TRIM29: variants seen among roughly 807,000 people sequenced by gnomAD.
The protein encoded by TRIM29 is tripartite motif containing 29.
Under a neutral mutation model 57.3 loss-of-function variants are expected in TRIM29, and 52 were observed. The ratio of observed to expected loss-of-function variants is 0.91; its 90% CI spans 0.73 to 1.14. The LOEUF is 1.14. Among genes scored for constraint, TRIM29 ranks in the 50% most tolerant of loss-of-function variants. The pLI, the probability that TRIM29 is intolerant of heterozygous loss-of-function variation, is 0.00. For missense variants in TRIM29, 753 were observed against 774.6 expected (o/e 0.97, Z 0.33); for synonymous variants, 319 against 316.9 (o/e 1.01, Z -0.07).
intron 8 of TRIM29, among the ~76,000 whole-genome samples, chr11:120,112,933 C>T (rs971666712): frequency 1.1e-4 from 16 of 152,118 alleles, no homozygotes; most frequent in Non-Finnish European, 2.2e-4. Flanking sequence ...GTTGAGCAAA[C>T]CAAGGCACAG....
Position 120,120,567 on chromosome 11 carries a change from AC to A in TRIM29, c.1528+5del. Reference sequence around the variant, plus strand: ...CTGTGCACCCTTGAGCTGAGCCACCACCTACCTTTGGTGCCATAGAGATTGT... The same window carrying A: ...CTGTGCACCCTTGAGCTGAGCCACCACTACCTTTGGTGCCATAGAGATTGT... On this transcript the variant is annotated splice_donor_5th_base_variant and intron_variant, in intron 6 of 8. Coordinates refer to ENST00000341846, the MANE Select transcript of TRIM29 (RefSeq NM_012101.4). 1 of 1,610,068 alleles carries A rather than the reference AC, an allele frequency of 6.2e-7. No homozygotes were observed. The highest frequency in any genetic ancestry group is 8.5e-7 in the Non-Finnish European group (1 of 1,179,060).
chr11:120,119,578 T>C (rs535179581), intron 6 of TRIM29, among the ~76,000 whole-genome samples: 35 of 152,320 alleles, frequency 2.3e-4, no homozygotes, highest in Middle Eastern at 3.4e-3. Flanking sequence ...GCTCTGGGCC[T>C]GTAGCAGCGA....
At position 120,127,638 on chromosome 11, in the gene TRIM29, G is replaced by T. The variant is rs1591327631; in HGVS notation, c.901-69C>A. The T allele has an allele frequency of 2.1e-6, 3 of 1,432,888 alleles. No homozygotes were observed. The South Asian group carries it at 4.0e-5, about 19-fold the overall frequency. The allele number at this position is 1,432,888 out of a possible 1,614,324, so 88.8% of individuals were successfully genotyped here. A position where few individuals can be genotyped will look rare whatever the true frequency, so the allele number is the denominator to read the frequency against. ...TAGGGAAAGAAATCACCCTAGTCGGGTATGTCTTTAGGTTTCCAGCACAGG... is the reference window on the plus strand; with the variant it reads ...TAGGGAAAGAAATCACCCTAGTCGGTTATGTCTTTAGGTTTCCAGCACAGG... On this transcript the variant is annotated intron_variant, in intron 2 of 8. Coordinates refer to ENST00000341846, the MANE Select transcript of TRIM29 (RefSeq NM_012101.4).
At chr11:120,130,173 T>G (rs1164451484) in intron 1 of TRIM29, among the ~76,000 whole-genome samples, 1 of 152,072 alleles carries the variant, frequency 6.6e-6, no homozygotes, top group African/African-American at 2.4e-5. Flanking sequence ...CTTAGGAGGC[T>G]GGATTTGGCA....
rs749203882 is a variant in TRIM29, at chr11:120,137,327, G to A, written c.705C>T (p.Phe235=). ...CPVHGKTMEL[F]CQTDQTCICY... ...AGATGCAGGTCTGGTCGGTCTGGCA[G>A]AAGAGCTCCATCGTCTTGCCATGCA... The change falls in exon 1 of 9, where the codon TTC becomes TTT. Residue 235 remains phenylalanine (F), a synonymous_variant. Coordinates refer to ENST00000341846, the MANE Select transcript of TRIM29 (RefSeq NM_012101.4). The surrounding 1 kb of genome is among the most constrained non-coding windows in gnomAD (Gnocchi z 6.2). The A allele has an allele frequency of 1.2e-6, 2 of 1,614,000 alleles. No individual in the cohort carries two copies. The highest frequency in any genetic ancestry group is 1.7e-6 in the Non-Finnish European group (2 of 1,180,028).
chr11:120,113,234 A>G lies in TRIM29; in HGVS notation c.1705-758T>C, dbSNP rs140172939. ...TCCCCCAGCCATTGGTACAGGGAGCATCTCTGGAGAGAGAGCCCAGTGACA... is the reference window on the plus strand; with the variant it reads ...TCCCCCAGCCATTGGTACAGGGAGCGTCTCTGGAGAGAGAGCCCAGTGACA... On this transcript the variant is annotated intron_variant, in intron 8 of 8. Coordinates refer to ENST00000341846, the MANE Select transcript of TRIM29 (RefSeq NM_012101.4). Among the ~76,000 whole-genome samples the G allele has an allele frequency of 1.9e-3, 289 of 152,238 alleles. 2 individuals carry two copies. Among genetic ancestry groups the G allele is most frequent in the African/African-American group, 6.7e-3 (278 of 41,514 alleles).
chr11:120,123,491 T>C (rs1489194470), intron 4 of TRIM29: 19 of 456,282 alleles, frequency 4.2e-5, no homozygotes, highest in Non-Finnish European at 7.0e-5. Context: ...GATTGAGCTC[T>C]GGCTCGCTAC....
At chr11:120,130,740 A>C (rs1174901889) in intron 1 of TRIM29, among the ~76,000 whole-genome samples, 1 of 152,176 alleles carries the variant, frequency 6.6e-6, no homozygotes, top group Non-Finnish European at 1.5e-5. Flanking sequence ...GGCAACTTCC[A>C]TGGACCAGGG....
chr11:120,112,555 C>T, intron 8 of TRIM29, 79 bp from the exon 9 acceptor site: 3 of 1,491,802 alleles, frequency 2.0e-6, no homozygotes, highest in Non-Finnish European at 1.9e-6. Context: ...CCCTAACCTG[C>T]CTCAGGAGGC....
At chr11:120,125,988 C>A (rs568801594) in intron 3 of TRIM29, 99 bp from the exon 4 acceptor site, 2 of 1,188,418 alleles carry the variant, frequency 1.7e-6, no homozygotes, top group Non-Finnish European at 2.4e-6. Context: ...GGGGTCTCAG[C>A]GCTGCAAGCC....
intron 1 of TRIM29, among the ~76,000 whole-genome samples, chr11:120,132,633 T>C (rs1268525712): frequency 6.6e-6 from 1 of 152,140 alleles, no homozygotes; most frequent in Non-Finnish European, 1.5e-5. Flanking sequence ...CCCGGATAGG[T>C]GTACCTGCAC....
chr11:120,124,701 T>C (rs1863542565), intron 4 of TRIM29: 1 of 152,134 alleles, frequency 6.6e-6, no homozygotes, highest in South Asian at 2.1e-4. Context: ...AGCCAAATGA[T>C]TGTCTTGCTG....
intron 5 of TRIM29, chr11:120,122,040 G>A (rs1565315385): frequency 2.3e-6 from 1 of 436,702 alleles, no homozygotes; most frequent in Non-Finnish European, 4.6e-6. Flanking sequence ...AGAAGCCCAG[G>A]GGTTGTTTTC....
intron 8 of TRIM29, 36 bp from the exon 9 acceptor site, chr11:120,112,512 C>T (rs763417554): frequency 1.4e-5 from 22 of 1,611,654 alleles, no homozygotes; most frequent in Admixed American, 1.7e-5. Flanking sequence ...CGAGGCCAGA[C>T]GACAGATGAG....
Position 120,128,380 on chromosome 11 carries a change from T to C in TRIM29, c.900+20A>G. ...CAGGTCGGGTAAGGGAGCAGCAAGG[T>C]GAGCTTGGGGGCTGCTCACCTTGAT... is the stretch of plus-strand genomic sequence containing the variant. On this transcript the variant is annotated intron_variant, in intron 2 of 8. Transcript: ENST00000341846. 2 of 1,606,948 alleles carry C rather than the reference T, an allele frequency of 1.2e-6. No homozygotes were observed. The highest frequency in any genetic ancestry group is 2.2e-5 in the South Asian group (2 of 90,912).
At position 120,111,628 on chromosome 11, in the gene TRIM29, A is replaced by G. The variant is rs897740459; in HGVS notation, c.*786T>C. The stretch of plus-strand genomic sequence containing the variant: ...AATGAAATTCTGTAGGCAAATGGTA[A>G]ATGGTAGCTGGGCCAGTAGCTATTT... On this transcript the variant is annotated 3_prime_UTR_variant, in exon 9 of 9. Transcript: ENST00000341846. The G allele has an allele frequency of 1.3e-5, 2 of 152,250 alleles. No individual in the cohort carries two copies. The highest frequency in any genetic ancestry group is 4.8e-5 in the African/African-American group (2 of 41,452). 9.4% of individuals were successfully genotyped at this position (152,250 alleles called of 1,614,324 possible). A position where few individuals can be genotyped will look rare whatever the true frequency, so the allele number is the denominator to read the frequency against.
Position 120,137,817 on chromosome 11 carries a change from C to T in TRIM29, c.215G>A (p.Gly72Asp), listed in dbSNP as rs748867782. ...PGEGRSALFA[G>D]NEWRRPIIQF... ...GATGATGGGTCGCCGCCACTCATTGCCCGCGAACAGGGCGCTCCTACCTTC... is the reference window on the plus strand; with the variant it reads ...GATGATGGGTCGCCGCCACTCATTGTCCGCGAACAGGGCGCTCCTACCTTC... Residue 72 changes from glycine to aspartate, a missense_variant, in exon 1 of 9, where the codon GGC becomes GAC. Gly to Asp is a moderately conservative substitution (Grantham distance 94, BLOSUM62 -1). Coordinates refer to ENST00000341846, the MANE Select transcript of TRIM29 (RefSeq NM_012101.4). The surrounding 1 kb of genome is among the most constrained non-coding windows in gnomAD (Gnocchi z 6.2). 1.2e-5 allele frequency: 20 copies of T among 1,612,606 alleles called. No individual in the cohort carries two copies. The East Asian group carries it at 4.5e-4, about 36-fold the overall frequency.
At chr11:120,113,611 G>A (rs1411913617) in intron 8 of TRIM29, 1 of 456,176 alleles carries the variant, frequency 2.2e-6, no homozygotes, top group Non-Finnish European at 4.4e-6. Context: ...CCTTTGTGTG[G>A]TCCACAGCAG....
rs71050727 is a variant in TRIM29 at position 120,120,344 on chromosome 11, T to TACACAC, written c.1528+223_1528+228dup. On this transcript the variant is annotated intron_variant, in intron 6 of 8. Coordinates refer to ENST00000341846, the MANE Select transcript of TRIM29 (RefSeq NM_012101.4). ...TAACTAATGGTGTCCCCCACACATG[T>TACACAC]ACACACACACACACACACACACACA... Among the ~76,000 whole-genome samples the TACACAC allele has an allele frequency of 2.3e-3, 323 of 138,218 alleles. 2 individuals are homozygous for TACACAC. The highest frequency in any genetic ancestry group is 0.011 in the Middle Eastern group (3 of 282). The allele number at this position is 138,218 out of a possible 152,430, so 90.7% of individuals were successfully genotyped here. A position where few individuals can be genotyped will look rare whatever the true frequency, so the allele number is the denominator to read the frequency against.
Sources: gnomAD v4.1 joint callset for allele counts (sites outside exome capture counted in the v4.1 genomes callset) on GRCh38, gnomAD v4.1.1 for gene constraint, Gnocchi (gnomAD v3.1) non-coding constraint, MANE v1.5 for transcripts, NCBI Gene and HGNC (gene_info 2026-07-23, HGNC 2026-07-21) for gene names.